The following CHST11 variants were observed in gnomAD, a reference collection of about 807,000 sequenced individuals.
CHST11 encodes carbohydrate sulfotransferase 11.
In CHST11, 9 loss-of-function variants were observed where a neutral mutation model predicts 30.4. The observed-to-expected ratio is 0.30, with a 90% CI of 0.18 to 0.52. The LOEUF is 0.52. Among genes scored for constraint, CHST11 ranks in the 20% least tolerant of loss-of-function variants. The probability of loss-of-function intolerance (pLI) is 0.97; values close to 1 mark genes in which losing one functional copy is unlikely to be tolerated. For missense variants in CHST11, 348 were observed against 460.6 expected (o/e 0.76, Z 2.24); for synonymous variants, 152 against 187.8 (o/e 0.81, Z 1.56).
intron 2 of CHST11, among the ~76,000 whole-genome samples, chr12:104,714,532 G>A (rs1328906112): frequency 6.6e-6 from 1 of 152,100 alleles, no homozygotes; most frequent in Non-Finnish European, 1.5e-5. Context: ...AGGAATTTGG[G>A]TTTGCTTTTG....
At chr12:104,639,742 T>A (rs2039357537) in intron 2 of CHST11, among the ~76,000 whole-genome samples, 1 of 152,156 alleles carries the variant, frequency 6.6e-6, no homozygotes, top group South Asian at 2.1e-4. Context: ...TGTTTGGCCC[T>A]CTGATGTCAA....
chr12:104,463,674 A>G (rs1322441373), intron 1 of CHST11, among the ~76,000 whole-genome samples: 2 of 152,174 alleles, frequency 1.3e-5, no homozygotes, highest in Admixed American at 1.3e-4. Context: ...AACAGAGAAG[A>G]TGGTTGAGGG....
At chr12:104,696,530 C>T (rs1172584029) in intron 2 of CHST11, among the ~76,000 whole-genome samples, 1 of 146,964 alleles carries the variant, frequency 6.8e-6, no homozygotes, top group East Asian at 2.0e-4. Context: ...TGGTGGTGCA[C>T]ACCTGTACAC....
chr12:104,551,478 C>T (rs750521264), intron 1 of CHST11, among the ~76,000 whole-genome samples: 4 of 152,070 alleles, frequency 2.6e-5, no homozygotes, highest in Non-Finnish European at 4.4e-5. Flanking sequence ...AAAGCCCTGG[C>T]TCAAGTTGCT....
chr12:104,695,446 AGTGTGTGTGT>A (rs67943103), intron 2 of CHST11, among the ~76,000 whole-genome samples: 5 of 149,352 alleles, frequency 3.3e-5, no homozygotes, highest in East Asian at 2.0e-4. Flanking sequence ...CAACACAATG[AGTGTGTGTGT>A]GTGTGTGTGT....
chr12:104,519,071 G>GGGGTGTGTGT (rs1555229563), intron 1 of CHST11, among the ~76,000 whole-genome samples: 2 of 139,570 alleles, frequency 1.4e-5, no homozygotes, highest in Non-Finnish European at 3.1e-5. Flanking sequence ...GGACTCTTGA[G>GGGGTGTGTGT]GTGTGTGTGT....
At chr12:104,735,209 G>T (rs532015854) in intron 2 of CHST11, among the ~76,000 whole-genome samples, 1 of 152,256 alleles carries the variant, frequency 6.6e-6, no homozygotes, top group East Asian at 1.9e-4. Flanking sequence ...GGCTAGCTTT[G>T]TGACTTAAAT....
At chr12:104,717,649 T>C (rs916274404) in intron 2 of CHST11, among the ~76,000 whole-genome samples, 6 of 152,196 alleles carry the variant, frequency 3.9e-5, no homozygotes, top group Non-Finnish European at 8.8e-5. Context: ...TAGGCGCCTG[T>C]AGTCCCAGCT....
At chr12:104,716,523 G>A (rs369553490) in intron 2 of CHST11, among the ~76,000 whole-genome samples, 24 of 152,180 alleles carry the variant, frequency 1.6e-4, no homozygotes, top group African/African-American at 4.8e-4. Context: ...TGATCGTCTC[G>A]CATCCATACC....
intron 2 of CHST11, among the ~76,000 whole-genome samples, chr12:104,750,785 C>G (rs1205723253): frequency 2.6e-5 from 4 of 152,052 alleles, no homozygotes; most frequent in African/African-American, 9.7e-5. Flanking sequence ...TAATTTAAAT[C>G]AACACTAGTC....
intron 1 of CHST11, among the ~76,000 whole-genome samples, chr12:104,533,884 C>T (rs1357372304): frequency 6.6e-6 from 1 of 152,106 alleles, no homozygotes; most frequent in Non-Finnish European, 1.5e-5. Context: ...GCTCATGTCC[C>T]GTTACAAAAA....
chr12:104,598,891 G>A (rs1051077538), intron 1 of CHST11, among the ~76,000 whole-genome samples: 1 of 41,802 alleles, frequency 2.4e-5, no homozygotes, highest in African/African-American at 7.7e-5. Context: ...GCCTAGCTGA[G>A]TTGGGAGGTG....
At chr12:104,553,967 G>A (rs1488032060) in intron 1 of CHST11, among the ~76,000 whole-genome samples, 1 of 152,128 alleles carries the variant, frequency 6.6e-6, no homozygotes, top group African/African-American at 2.4e-5. Context: ...AGGCTTGACT[G>A]GGGAAGGATC....
chr12:104,642,938 A>G (rs1438674566), intron 2 of CHST11, among the ~76,000 whole-genome samples: 1 of 152,196 alleles, frequency 6.6e-6, no homozygotes. Flanking sequence ...TCAACTACTA[A>G]TTACTTTCAA....
intron 1 of CHST11, among the ~76,000 whole-genome samples, chr12:104,488,110 C>G (rs1022112887): frequency 2.0e-5 from 3 of 151,984 alleles, no homozygotes; most frequent in African/African-American, 7.3e-5. Flanking sequence ...CAAACATTAT[C>G]TGGCAACTAA....
At chr12:104,473,010 C>T (rs1385382197) in intron 1 of CHST11, among the ~76,000 whole-genome samples, 2 of 152,056 alleles carry the variant, frequency 1.3e-5, no homozygotes, top group Non-Finnish European at 2.9e-5. Context: ...ACCTGGATGG[C>T]TCTGAATGCT....
chr12:104,728,717 G>A (rs1004050481), intron 2 of CHST11, among the ~76,000 whole-genome samples: 1 of 152,166 alleles, frequency 6.6e-6, no homozygotes, highest in Admixed American at 6.5e-5. Context: ...CCCTACCCGG[G>A]AAGGCTTGCT....
At chr12:104,632,264 A>C (rs905469670) in intron 2 of CHST11, among the ~76,000 whole-genome samples, 4 of 152,136 alleles carry the variant, frequency 2.6e-5, no homozygotes, top group Non-Finnish European at 5.9e-5. Flanking sequence ...AGAAGAGCAC[A>C]GCGCAAGCAG....
At chr12:104,559,468 C>T (rs1192877488) in intron 1 of CHST11, among the ~76,000 whole-genome samples, 4 of 152,152 alleles carry the variant, frequency 2.6e-5, no homozygotes, top group South Asian at 2.1e-4. Context: ...CACGGCTGGG[C>T]GCGGTGGCCC....
Sources: allele counts gnomAD v4.1 joint callset (sites outside exome capture counted in the v4.1 genomes callset), GRCh38; gene constraint gnomAD v4.1.1; transcripts MANE v1.5; gene names NCBI Gene and HGNC (gene_info 2026-07-23, HGNC 2026-07-21).